SNTB1: variants seen among roughly 807,000 people sequenced by gnomAD.
SNTB1 encodes the protein syntrophin beta 1, also known as beta-1-syntrophin.
A neutral mutation model predicts 48.9 loss-of-function variants in SNTB1; 36 were observed. The ratio of observed to expected loss-of-function variants is 0.74; its 90% CI spans 0.56 to 0.97. The LOEUF is 0.97. Ranked by LOEUF, SNTB1 falls within the 50% of genes least tolerant of loss-of-function variation. The pLI, the probability that SNTB1 is intolerant of heterozygous loss-of-function variation, is 0.00. For synonymous variants in SNTB1, 299 were observed against 294.6 expected, an observed-to-expected ratio of 1.01 and a Z score of -0.15; for missense variants, 786 against 703.4, an observed-to-expected ratio of 1.12 and a Z score of -1.33.
intron 2 of SNTB1, among the ~76,000 whole-genome samples, chr8:120,646,101 C>T (rs905463358): frequency 6.8e-6 from 1 of 146,414 alleles, no homozygotes; most frequent in East Asian, 2.0e-4. Flanking sequence ...ACAATCATGT[C>T]GTCTGCAAAC....
At chr8:120,565,304 T>G (rs1815731206) in intron 4 of SNTB1, among the ~76,000 whole-genome samples, 1 of 152,210 alleles carries the variant, frequency 6.6e-6, no homozygotes, top group South Asian at 2.1e-4. Flanking sequence ...CAAGCACTAT[T>G]CTAAGCAGTT....
Position 120,667,904 on chromosome 8 carries a change from T to G in SNTB1, c.788+25788A>C, listed in dbSNP as rs190140472. Among the ~76,000 whole-genome samples, 46 of 152,280 alleles carry G rather than the reference T, an allele frequency of 3.0e-4. No homozygotes were observed. The East Asian group carries it at 7.7e-3, about 26-fold the overall frequency. On this transcript the variant is annotated intron_variant, in intron 2 of 6. Transcript: ENST00000517992. ...TGTGCTCTACCCAATGTCCCATGAA[T>G]CATGACATTTTCCAGTCCCACTGGC... is the stretch of plus-strand genomic sequence containing the variant.
chr8:120,711,477 T>A (rs1467647075), intron 1 of SNTB1, among the ~76,000 whole-genome samples: 1 of 152,158 alleles, frequency 6.6e-6, no homozygotes, highest in Non-Finnish European at 1.5e-5. Context: ...ACTCTTATTA[T>A]CCATTGTCCT....
chr8:120,801,967 A>AT (rs1231016418), intron 1 of SNTB1, among the ~76,000 whole-genome samples: 1 of 151,866 alleles, frequency 6.6e-6, no homozygotes, highest in Non-Finnish European at 1.5e-5. Context: ...TCTATTTCTC[A>AT]TTTTTCCCTG....
intron 1 of SNTB1, among the ~76,000 whole-genome samples, chr8:120,704,823 G>C (rs1818355314): frequency 6.6e-6 from 1 of 152,150 alleles, no homozygotes; most frequent in Non-Finnish European, 1.5e-5. Context: ...AAATATAATA[G>C]GGATAAAGTA....
At chr8:120,762,101 C>T (rs1044672762) in intron 1 of SNTB1, among the ~76,000 whole-genome samples, 1 of 152,200 alleles carries the variant, frequency 6.6e-6, no homozygotes, top group Non-Finnish European at 1.5e-5. Context: ...GCCACCATTG[C>T]AATGAATTCC....
chr8:120,773,425 G>A (rs542327880), intron 1 of SNTB1, among the ~76,000 whole-genome samples: 3 of 152,296 alleles, frequency 2.0e-5, no homozygotes, highest in East Asian at 1.9e-4. Context: ...CAGTACCCTG[G>A]AAGAATTCCA....
chr8:120,773,573 C>A (rs913811341), intron 1 of SNTB1, among the ~76,000 whole-genome samples: 1 of 152,004 alleles, frequency 6.6e-6, no homozygotes, highest in Admixed American at 6.6e-5. Context: ...GAGTAAGGCA[C>A]CATCTGGTCC....
chr8:120,759,660 A>T (rs1819380155), intron 1 of SNTB1, among the ~76,000 whole-genome samples: 1 of 152,196 alleles, frequency 6.6e-6, no homozygotes, highest in Non-Finnish European at 1.5e-5. Context: ...CCCTTGGATC[A>T]TCATCAAGAA....
chr8:120,769,160 G>A (rs1819577205), intron 1 of SNTB1: 1 of 152,198 alleles, frequency 6.6e-6, no homozygotes, highest in Non-Finnish European at 1.5e-5. Flanking sequence ...CAGGGCAAAA[G>A]GGGTAGAACA....
chr8:120,736,329 T>C (rs1000318869), intron 1 of SNTB1, among the ~76,000 whole-genome samples: 2 of 151,854 alleles, frequency 1.3e-5, no homozygotes, highest in Non-Finnish European at 1.5e-5. Context: ...TCATGGAAAA[T>C]TGGAGAGATA....
intron 1 of SNTB1, among the ~76,000 whole-genome samples, chr8:120,749,674 C>A (rs1334967523): frequency 2.0e-5 from 3 of 152,082 alleles, no homozygotes; most frequent in Admixed American, 6.6e-5. Flanking sequence ...GAAACTGAAA[C>A]AGACTCAGGG....
rs553365308 is a variant in SNTB1, at chr8:120,766,954, T to A, written c.571+44319A>T. Among the ~76,000 whole-genome samples the A allele has an allele frequency of 2.6e-5, 4 of 152,336 alleles. No individual in the cohort carries two copies. In the East Asian group the frequency reaches 7.7e-4, roughly 29 times the overall value. ...AAGCCAGGCATCTTATTTCTAATTATATGAATGATTATCCCAGAGTTTTTT... is the reference window on the plus strand; with the variant it reads ...AAGCCAGGCATCTTATTTCTAATTAAATGAATGATTATCCCAGAGTTTTTT... On this transcript the variant is annotated intron_variant, in intron 1 of 6. Transcript: ENST00000517992.
intron 1 of SNTB1, among the ~76,000 whole-genome samples, chr8:120,713,741 A>G (rs1341722078): frequency 6.6e-6 from 1 of 152,166 alleles, no homozygotes; most frequent in Non-Finnish European, 1.5e-5. Context: ...AAAAGAAAAA[A>G]ATTGAATCAT....
At chr8:120,693,104 T>C (rs938885597) in intron 2 of SNTB1, among the ~76,000 whole-genome samples, 1 of 151,990 alleles carries the variant, frequency 6.6e-6, no homozygotes, top group Non-Finnish European at 1.5e-5. Context: ...AGGGAGGTAT[T>C]TCATGCTCTT....
At chr8:120,653,447 G>A (rs535816823) in intron 2 of SNTB1, among the ~76,000 whole-genome samples, 1 of 152,202 alleles carries the variant, frequency 6.6e-6, no homozygotes, top group African/African-American at 2.4e-5. Context: ...GTTTCTCCCT[G>A]AAAACATCTG....
chr8:120,752,930 T>A (rs1321941357), intron 1 of SNTB1, among the ~76,000 whole-genome samples: 1 of 148,060 alleles, frequency 6.8e-6, no homozygotes, highest in Non-Finnish European at 1.5e-5. Context: ...CAACATGCAA[T>A]TTACCCATGT....
chr8:120,692,044 TG>T (rs1200228510), intron 2 of SNTB1, among the ~76,000 whole-genome samples: 3 of 152,202 alleles, frequency 2.0e-5, no homozygotes, highest in African/African-American at 7.2e-5. Flanking sequence ...CTATGAGCTC[TG>T]TGTCCTTCCC....
chr8:120,734,933 A>G (rs1205944042), intron 1 of SNTB1, among the ~76,000 whole-genome samples: 1 of 152,222 alleles, frequency 6.6e-6, no homozygotes, highest in Non-Finnish European at 1.5e-5. Flanking sequence ...ACACATCTCA[A>G]CTGTTTTTCA....
Sources: allele counts gnomAD v4.1 joint callset (sites outside exome capture counted in the v4.1 genomes callset), GRCh38; gene constraint gnomAD v4.1.1; transcripts MANE v1.5; gene names NCBI Gene and HGNC (gene_info 2026-07-23, HGNC 2026-07-21).